XKR4: variants seen among roughly 807,000 people sequenced by gnomAD.
The protein encoded by XKR4 is XK-related protein 4.
Under a neutral mutation model 53.9 loss-of-function variants are expected in XKR4, and 12 were observed. The observed-to-expected ratio is 0.22, with a 90% CI of 0.14 to 0.36. The LOEUF (loss-of-function observed/expected upper bound fraction) is 0.36. Ranked by LOEUF, XKR4 falls within the 10% of genes least tolerant of loss-of-function variation. XKR4 has a pLI of 1.00. For synonymous variants in XKR4, 354 were observed against 362.4 expected (o/e 0.98, Z 0.26); for missense variants, 799 against 859.5 (o/e 0.93, Z 0.88).
chr8:55,539,924 T>C lies in XKR4; in HGVS notation c.*15697T>C, dbSNP rs1041116457. 18 of 152,218 alleles carry C rather than the reference T, an allele frequency of 1.2e-4. No homozygotes were observed. The highest frequency in any genetic ancestry group is 3.9e-4 in the African/African-American group (16 of 41,536). 9.4% of individuals were successfully genotyped at this position (152,218 alleles called of 1,614,324 possible). On this transcript the variant is annotated 3_prime_UTR_variant, in exon 3 of 3. Coordinates refer to ENST00000327381, the MANE Select transcript of XKR4 (RefSeq NM_052898.2). ...TCATGGGGAGATTTTGCCACAAAGA[T>C]ACAAAACAGAATTGAAGTGTGTTAG...
chr8:55,464,226 A>G (rs1437296354), intron 2 of XKR4, among the ~76,000 whole-genome samples: 2 of 152,190 alleles, frequency 1.3e-5, no homozygotes, highest in Non-Finnish European at 2.9e-5. Flanking sequence ...AAAAATCCTC[A>G]ATAAAATACT....
chr8:55,460,551 G>A (rs1805639122), intron 2 of XKR4, among the ~76,000 whole-genome samples: 1 of 152,212 alleles, frequency 6.6e-6, no homozygotes, highest in Non-Finnish European at 1.5e-5. Flanking sequence ...CTCCCAGCAT[G>A]AGTGACACAG....
At position 55,528,576 on chromosome 8, in the gene XKR4, C is replaced by T. The variant is rs1283174012; in HGVS notation, c.*4349C>T. On this transcript the variant is annotated 3_prime_UTR_variant, in exon 3 of 3. Coordinates refer to ENST00000327381, the MANE Select transcript of XKR4 (RefSeq NM_052898.2). ...TTCTATATAAAGCTTGGATGAGATG[C>T]CTGCATTTTTATGTGCTAAGGAGAA... 1.3e-5 allele frequency: 2 copies of T among 152,164 alleles called. No homozygotes were observed. Among genetic ancestry groups the T allele is most frequent in the East Asian group, 3.8e-4 (2 of 5,198 alleles). The allele number at this position is 152,164 out of a possible 1,614,324, so 9.4% of individuals were successfully genotyped here. A position where few individuals can be genotyped will look rare whatever the true frequency, so the allele number is the denominator to read the frequency against.
At chr8:55,490,056 T>G (rs959604955) in intron 2 of XKR4, among the ~76,000 whole-genome samples, 3 of 152,198 alleles carry the variant, frequency 2.0e-5, no homozygotes, top group Non-Finnish European at 4.4e-5. Context: ...CCATTTTATA[T>G]TTACCTAATC....
chr8:55,435,268 C>G (rs1198596758), intron 2 of XKR4, among the ~76,000 whole-genome samples: 1 of 152,126 alleles, frequency 6.6e-6, no homozygotes, highest in Non-Finnish European at 1.5e-5. Flanking sequence ...AATCGTTGCT[C>G]CTTATTACCC....
At chr8:55,439,359 T>TCTAAACAGGGAATTCTC (rs1314746718) in intron 2 of XKR4, among the ~76,000 whole-genome samples, 1 of 152,166 alleles carries the variant, frequency 6.6e-6, no homozygotes, top group Non-Finnish European at 1.5e-5. Context: ...CAGGGAATTC[T>TCTAAACAGGGAATTCTC]CTAAAGAGAC....
chr8:55,337,777 G>A (rs1039825623), intron 1 of XKR4, among the ~76,000 whole-genome samples: 3 of 152,156 alleles, frequency 2.0e-5, no homozygotes, highest in African/African-American at 7.2e-5. Context: ...CTTTTTAAAG[G>A]AATACCCTTT....
At chr8:55,316,986 C>G (rs954234068) in intron 1 of XKR4, among the ~76,000 whole-genome samples, 1 of 152,110 alleles carries the variant, frequency 6.6e-6, no homozygotes, top group Non-Finnish European at 1.5e-5. Context: ...GGCTGGGAAG[C>G]TTTTAATAAA....
chr8:55,301,847 GT>G (rs553493187), intron 1 of XKR4, among the ~76,000 whole-genome samples: 1 of 152,036 alleles, frequency 6.6e-6, no homozygotes, highest in Non-Finnish European at 1.5e-5. Flanking sequence ...GGGGTTGTTT[GT>G]TTTTTTCTTG....
At chr8:55,125,936 G>C (rs1044070553) in intron 1 of XKR4, among the ~76,000 whole-genome samples, 2 of 152,170 alleles carry the variant, frequency 1.3e-5, no homozygotes, top group Non-Finnish European at 2.9e-5. Flanking sequence ...TACTACACAG[G>C]TTGTATGTCC....
chr8:55,146,030 A>C (rs766863564), intron 1 of XKR4, among the ~76,000 whole-genome samples: 2 of 152,246 alleles, frequency 1.3e-5, no homozygotes, highest in Non-Finnish European at 2.9e-5. Context: ...AGGAAAACTG[A>C]TGCTTTGCAA....
chr8:55,460,884 T>C lies in XKR4; in HGVS notation c.1007-62397T>C, dbSNP rs1406682204. 5.3e-5 allele frequency among the ~76,000 whole-genome samples: 8 copies of C among 152,344 alleles called. No individual in the cohort carries two copies. The South Asian group carries it at 1.4e-3, about 28-fold the overall frequency. ...ACGCCCACAGAGCCTTGCTCATTGC[T>C]AGCACAGCAGTCTGAAATCAAACTG... On this transcript the variant is annotated intron_variant, in intron 2 of 2. Coordinates refer to ENST00000327381, the MANE Select transcript of XKR4 (RefSeq NM_052898.2).
rs977666816 is a variant in XKR4, at chr8:55,529,274, C to T, written c.*5047C>T. ...ATATTGCAGGCAGTGACCTGGCCCC[C>T]AAATGTAAAGCTTTTGTCAACCTTG... is the stretch of plus-strand genomic sequence containing the variant. On this transcript the variant is annotated 3_prime_UTR_variant, in exon 3 of 3. Transcript: ENST00000327381. 2.0e-5 allele frequency: 3 copies of T among 151,874 alleles called. No homozygotes were observed. The highest frequency in any genetic ancestry group is 7.3e-5 in the African/African-American group (3 of 41,346). The allele number at this position is 151,874 out of a possible 1,614,324, so 9.4% of individuals were successfully genotyped here. A position where few individuals can be genotyped will look rare whatever the true frequency, so the allele number is the denominator to read the frequency against.
chr8:55,445,743 C>G (rs541791603), intron 2 of XKR4, among the ~76,000 whole-genome samples: 20 of 152,264 alleles, frequency 1.3e-4, no homozygotes, highest in African/African-American at 4.1e-4. Context: ...TCTGTCCCTC[C>G]TCCGCCACAC....
intron 1 of XKR4, among the ~76,000 whole-genome samples, chr8:55,291,286 A>C (rs1819016033): frequency 6.6e-6 from 1 of 152,164 alleles, no homozygotes. Context: ...TAAGTCTTGA[A>C]ATTGTGTGGA....
At chr8:55,276,399 C>T (rs527240238) in intron 1 of XKR4, among the ~76,000 whole-genome samples, 17 of 152,332 alleles carry the variant, frequency 1.1e-4, no homozygotes, top group Admixed American at 1.1e-3. Flanking sequence ...CTTTCTAACT[C>T]CCTTTGCTCA....
At chr8:55,381,906 G>A (rs551232964) in intron 2 of XKR4, among the ~76,000 whole-genome samples, 6 of 152,272 alleles carry the variant, frequency 3.9e-5, no homozygotes, top group South Asian at 2.1e-4. Context: ...TTGAGGGTGC[G>A]GGGGCACTGA....
At chr8:55,484,663 G>A (rs1806166563) in intron 2 of XKR4, among the ~76,000 whole-genome samples, 1 of 152,220 alleles carries the variant, frequency 6.6e-6, no homozygotes, top group African/African-American at 2.4e-5. Context: ...GTGTCTGTAA[G>A]GGTGCTTTTG....
intron 2 of XKR4, among the ~76,000 whole-genome samples, chr8:55,448,853 T>G (rs1198617674): frequency 6.6e-6 from 1 of 152,138 alleles, no homozygotes; most frequent in Non-Finnish European, 1.5e-5. Flanking sequence ...AAGACAGCCA[T>G]GTATACAAAT....
Sources: allele counts gnomAD v4.1 joint callset (sites outside exome capture counted in the v4.1 genomes callset), GRCh38; gene constraint gnomAD v4.1.1; transcripts MANE v1.5; gene names NCBI Gene and HGNC (gene_info 2026-07-23, HGNC 2026-07-21).